Variants in GLB1 observed in about 807,000 individuals in gnomAD.
GLB1 encodes galactosidase beta 1.
Under a neutral mutation model 74.0 loss-of-function variants are expected in GLB1, and 56 were observed. The ratio of observed to expected loss-of-function variants is 0.76; its 90% CI spans 0.61 to 0.94. GLB1 has a LOEUF of 0.94. Ranked by LOEUF, GLB1 falls within the 40% of genes least tolerant of loss-of-function variation. The pLI is 0.00. For synonymous variants in GLB1, 323 were observed against 323.6 expected (o/e 1.00, Z 0.02); for missense variants, 787 against 845.5 (o/e 0.93, Z 0.86).
At chr3:33,034,879 T>C (rs975426282) in intron 10 of GLB1, 1 of 464,254 alleles carries the variant, frequency 2.2e-6, no homozygotes, top group African/African-American at 2.0e-5. Flanking sequence ...CTTAACATGA[T>C]CAGAGATGGT....
chr3:33,082,023 C>T (rs1442715345), intron 1 of GLB1, among the ~76,000 whole-genome samples: 2 of 152,160 alleles, frequency 1.3e-5, no homozygotes, highest in East Asian at 3.9e-4. Flanking sequence ...ATTACCACCC[C>T]AAGTCCACAC....
intron 6 of GLB1, among the ~76,000 whole-genome samples, chr3:33,057,832 G>T (rs1406008001): frequency 6.6e-6 from 1 of 152,166 alleles, no homozygotes; most frequent in South Asian, 2.1e-4. Context: ...GGCCAGCCTA[G>T]CCCCTGAGAT....
chr3:33,014,764 C>T (rs1374327046), intron 14 of GLB1, among the ~76,000 whole-genome samples: 1 of 152,136 alleles, frequency 6.6e-6, no homozygotes, highest in African/African-American at 2.4e-5. Flanking sequence ...GTTAGGAGTT[C>T]AAGACCAACC....
chr3:33,039,682 G>C (rs1434778161), intron 10 of GLB1, among the ~76,000 whole-genome samples: 1 of 152,142 alleles, frequency 6.6e-6, no homozygotes, highest in Non-Finnish European at 1.5e-5. Context: ...AGGCAAGGTG[G>C]GAGAACGAAG....
At chr3:33,070,177 TACC>T (rs1699840739) in intron 2 of GLB1, among the ~76,000 whole-genome samples, 1 of 152,254 alleles carries the variant, frequency 6.6e-6, no homozygotes, top group Admixed American at 6.5e-5. Flanking sequence ...GGTGTATATG[TACC>T]ACATTTTCTT....
Position 33,058,147 on chromosome 3 carries a change from T to G in GLB1, c.675A>C (p.Lys225Asn). 1 of 1,614,096 alleles carries G rather than the reference T, an allele frequency of 6.2e-7. No homozygotes were observed. Among genetic ancestry groups the G allele is most frequent in the Non-Finnish European group, 8.5e-7 (1 of 1,180,014 alleles). Residue 225 changes from lysine (K) to asparagine (N), a missense_variant, in exon 6 of 16, where the codon AAA becomes AAC. By Grantham distance (94) the Lys-to-Asn change is moderately conservative. Transcript: ENST00000307363. ...VVLFTTDGAH[K>N]TFLKCGALQG... Reference sequence around the variant, plus strand: ...GCAGGGCCCCACATTTCAGGAATGTTTTATGTGCTCCATCAGTGGTAAACA... The same window carrying G: ...GCAGGGCCCCACATTTCAGGAATGTGTTATGTGCTCCATCAGTGGTAAACA...
In GLB1 at chr3:33,085,976, G is replaced by A. The variant is rs1217513981; in HGVS notation, c.75+11035C>T. On this transcript the variant is annotated intron_variant, in intron 1 of 15. Coordinates refer to ENST00000307363, the MANE Select transcript of GLB1 (RefSeq NM_000404.4). ...TGCCTGTAGTCCTAGCTATCTGGAG[G>A]CCAAAGTGAGTGTATCGCTTAAGCC... is the stretch of plus-strand genomic sequence containing the variant. 2.6e-5 allele frequency among the ~76,000 whole-genome samples: 4 copies of A among 151,806 alleles called. No individual in the cohort carries two copies. The East Asian group carries it at 5.8e-4, about 22-fold the overall frequency.
chr3:33,021,760 C>G lies in GLB1; in HGVS notation c.1144-105G>C, dbSNP rs139231639. ...AAGACATCAGTGGGTTTGACCAAAC[C>G]CCTAAATAAACCTAAATCATTCAAA... is the stretch of plus-strand genomic sequence containing the variant. On this transcript the variant is annotated intron_variant, in intron 11 of 15. Coordinates refer to ENST00000307363, the MANE Select transcript of GLB1 (RefSeq NM_000404.4). 3.0e-4 allele frequency: 393 copies of G among 1,313,322 alleles called. 1 individual carries two copies. The African/African-American group carries it at 5.2e-3, about 17-fold the overall frequency. 81.4% of individuals were successfully genotyped at this position (1,313,322 alleles called of 1,614,324 possible).
chr3:33,002,640 C>T (rs912272571), intron 15 of GLB1, among the ~76,000 whole-genome samples: 2 of 152,118 alleles, frequency 1.3e-5, no homozygotes, highest in Non-Finnish European at 2.9e-5. Context: ...AACTCCTGGC[C>T]TCAAGTGATC....
intron 2 of GLB1, among the ~76,000 whole-genome samples, chr3:33,070,904 A>C (rs1224350738): frequency 6.6e-6 from 1 of 152,224 alleles, no homozygotes; most frequent in Non-Finnish European, 1.5e-5. Flanking sequence ...AGGCTTAGGA[A>C]AAATAAGAAT....
In GLB1 at chr3:32,996,835, C is replaced by T. The variant is rs374683594; in HGVS notation, c.*210G>A. On this transcript the variant is annotated 3_prime_UTR_variant, in exon 16 of 16. Coordinates refer to ENST00000307363, the MANE Select transcript of GLB1 (RefSeq NM_000404.4). The stretch of plus-strand genomic sequence containing the variant: ...TTCCAGCCCTGCAGATATGTATGCA[C>T]GTTACTGTGCTGTCAGCCCCTCACA... 3.1e-4 allele frequency: 242 copies of T among 768,436 alleles called. 5 individuals carry two copies. The South Asian group carries it at 4.1e-3, about 13-fold the overall frequency. 47.6% of individuals were successfully genotyped at this position (768,436 alleles called of 1,614,324 possible). A position where few individuals can be genotyped will look rare whatever the true frequency, so the allele number is the denominator to read the frequency against.
chr3:33,026,043 A>G (rs1697736619), intron 10 of GLB1, among the ~76,000 whole-genome samples: 1 of 152,104 alleles, frequency 6.6e-6, no homozygotes, highest in South Asian at 2.1e-4. Flanking sequence ...GGGCGGACAG[A>G]GAAGGGCCCC....
intron 15 of GLB1, among the ~76,000 whole-genome samples, chr3:33,004,702 C>T (rs1446997313): frequency 6.6e-6 from 1 of 152,190 alleles, no homozygotes; most frequent in African/African-American, 2.4e-5. Context: ...GGTACTATTA[C>T]TATTTCCTGA....
At chr3:32,966,547 G>A in the GLB1 span, among the ~76,000 whole-genome samples, 1 of 152,154 alleles carries the variant, frequency 6.6e-6, no homozygotes, top group Non-Finnish European at 1.5e-5. Context: ...TGAGACTTTG[G>A]ACTTGGACTT....
rs1018070391 is a variant in GLB1, at chr3:33,018,508, T to G, written c.1287A>C (p.Pro429=). Residue 429 remains proline, a synonymous_variant, in exon 13 of 16, where the codon CCA becomes CCC. Coordinates refer to ENST00000307363, the MANE Select transcript of GLB1 (RefSeq NM_000404.4). The part of the protein sequence containing the change: ...RTTLPQDCSN[P]APLSSPLNGV... ...CATTGAGGGGTGAAGAGAGAGGTGCTGGGTTGCTGCAATCTTGAGGAAGTG... is the reference window on the plus strand; with the variant it reads ...CATTGAGGGGTGAAGAGAGAGGTGCGGGGTTGCTGCAATCTTGAGGAAGTG... 2 of 1,613,932 alleles carry G rather than the reference T, an allele frequency of 1.2e-6. No individual in the cohort carries two copies. The highest frequency in any genetic ancestry group is 1.3e-5 in the African/African-American group (1 of 74,856).
At chr3:33,058,310 A>C (rs374353435) in intron 5 of GLB1, 41 bp from the exon 6 acceptor site, 2 of 1,612,556 alleles carry the variant, frequency 1.2e-6, no homozygotes, top group African/African-American at 1.3e-5. Context: ...AGGAGATCCT[A>C]ATGTAGCCAC....
At chr3:33,004,478 G>A (rs1254819273) in intron 15 of GLB1, among the ~76,000 whole-genome samples, 1 of 152,170 alleles carries the variant, frequency 6.6e-6, no homozygotes, top group Non-Finnish European at 1.5e-5. Flanking sequence ...CTACTTTTCA[G>A]GAAAGTGAGT....
chr3:33,087,317 C>A (rs549255414), intron 1 of GLB1, among the ~76,000 whole-genome samples: 2 of 152,080 alleles, frequency 1.3e-5, no homozygotes, highest in African/African-American at 4.8e-5. Flanking sequence ...CGCCTGTAAT[C>A]CCAGCACTTT....
At chr3:33,080,300 G>T (rs1278808892) in intron 1 of GLB1, among the ~76,000 whole-genome samples, 1 of 152,098 alleles carries the variant, frequency 6.6e-6, no homozygotes, top group East Asian at 1.9e-4. Flanking sequence ...GGCTGGTTTG[G>T]AGCTCCTGAC....
Sources: gnomAD v4.1 joint callset for allele counts (sites outside exome capture counted in the v4.1 genomes callset) on GRCh38, gnomAD v4.1.1 for gene constraint, MANE v1.5 for transcripts, NCBI Gene and HGNC (gene_info 2026-07-23, HGNC 2026-07-21) for gene names.